SLC24A2: variants seen among roughly 807,000 people sequenced by gnomAD.
SLC24A2 encodes sodium/potassium/calcium exchanger 2.
SLC24A2 carries 36 observed loss-of-function variants against 62.0 expected under a neutral mutation model. The ratio of observed to expected loss-of-function variants is 0.58; its 90% CI spans 0.44 to 0.77. The LOEUF (loss-of-function observed/expected upper bound fraction) is 0.77, where lower values mean the gene tolerates loss of function less well. Ranked by LOEUF, SLC24A2 falls within the 30% of genes least tolerant of loss-of-function variation. SLC24A2 has a pLI of 0.00. For synonymous variants in SLC24A2, 358 were observed against 294.0 expected (o/e 1.22, Z -2.23); for missense variants, 846 against 817.9 (o/e 1.03, Z -0.42).
At chr9:19,848,563 C>A in the SLC24A2 span, among the ~76,000 whole-genome samples, 2 of 152,078 alleles carry the variant, frequency 1.3e-5, no homozygotes, top group African/African-American at 4.8e-5. Context: ...GTATGTAAAG[C>A]ACTTAGGATG....
In SLC24A2 at chr9:19,663,448, C is replaced by G. The variant is rs1175189631; in HGVS notation, c.931-41149G>C. On this transcript the variant is annotated intron_variant, in intron 2 of 10. Coordinates refer to ENST00000341998, the MANE Select transcript of SLC24A2 (RefSeq NM_020344.4). ...GGTCTTTTCTGTTGCAGTCCCCCCA[C>G]CAGCAGAGCCTGCCCCCTTCCGCAA... Among the ~76,000 whole-genome samples, 5 of 152,166 alleles carry G rather than the reference C, an allele frequency of 3.3e-5. No homozygotes were observed. The East Asian group carries it at 9.6e-4, about 29-fold the overall frequency.
intron 2 of SLC24A2, among the ~76,000 whole-genome samples, chr9:19,767,169 G>A (rs537148204): frequency 7.9e-5 from 12 of 152,260 alleles, no homozygotes; most frequent in African/African-American, 2.4e-4. Flanking sequence ...GTTCCAGGTC[G>A]ACTTCAGACT....
chr9:20,012,415 C>A, the SLC24A2 span, among the ~76,000 whole-genome samples: 1 of 152,170 alleles, frequency 6.6e-6, no homozygotes, highest in Non-Finnish European at 1.5e-5. Flanking sequence ...ATTCAGTTAC[C>A]TCCCACTGGG....
the SLC24A2 span, among the ~76,000 whole-genome samples, chr9:20,002,198 C>T: frequency 6.6e-6 from 1 of 152,030 alleles, no homozygotes; most frequent in Non-Finnish European, 1.5e-5. Context: ...AATAGTAATA[C>T]CAATAGCACT....
chr9:19,993,012 A>T, the SLC24A2 span, among the ~76,000 whole-genome samples: 1 of 152,108 alleles, frequency 6.6e-6, no homozygotes, highest in African/African-American at 2.4e-5. Context: ...TTTCATTCTT[A>T]TTCTACTCAA....
the SLC24A2 span, among the ~76,000 whole-genome samples, chr9:20,230,639 T>G: frequency 6.6e-6 from 1 of 152,258 alleles, no homozygotes; most frequent in South Asian, 2.1e-4. Context: ...ATTAGCCCTT[T>G]GTCAGACGAG....
the SLC24A2 span, among the ~76,000 whole-genome samples, chr9:20,103,336 A>T: frequency 1.3e-5 from 2 of 152,076 alleles, no homozygotes; most frequent in Non-Finnish European, 2.9e-5. Flanking sequence ...GACAGCTTTG[A>T]AGAGAGCATG....
At chr9:20,242,339 A>T in the SLC24A2 span, among the ~76,000 whole-genome samples, 1 of 152,212 alleles carries the variant, frequency 6.6e-6, no homozygotes, top group Non-Finnish European at 1.5e-5. Flanking sequence ...AAGAGGAAAG[A>T]CTTCCTACTC....
At chr9:20,179,139 G>A in the SLC24A2 span, among the ~76,000 whole-genome samples, 3 of 152,076 alleles carry the variant, frequency 2.0e-5, no homozygotes, top group Non-Finnish European at 2.9e-5. Flanking sequence ...GAAGGTTGGG[G>A]GCAGCTGGAA....
chr9:19,688,741 G>C (rs999154382), intron 2 of SLC24A2, among the ~76,000 whole-genome samples: 1 of 152,074 alleles, frequency 6.6e-6, no homozygotes, highest in Non-Finnish European at 1.5e-5. Context: ...ACTGATATAA[G>C]TTTCTTATGT....
chr9:19,518,173 C>G (rs1431246559), intron 10 of SLC24A2, among the ~76,000 whole-genome samples: 1 of 152,058 alleles, frequency 6.6e-6, no homozygotes, highest in Non-Finnish European at 1.5e-5. Flanking sequence ...CTCTAATAAT[C>G]TCTAATAACA....
rs771710603 is a variant in SLC24A2 at position 19,528,071 on chromosome 9, A to C, written c.1547T>G (p.Leu516Trp). The C allele has an allele frequency of 3.1e-6, 5 of 1,596,246 alleles. No individual in the cohort carries two copies. The highest frequency in any genetic ancestry group is 4.3e-6 in the Non-Finnish European group (5 of 1,170,564). The change falls in exon 9 of 11, where the codon TTG (leucine) becomes TGG (tryptophan). Residue 516 changes from leucine (L) to tryptophan (W), a missense_variant. Transcript: ENST00000341998. ...SITWIAVFSY[L>W]MVWWAHQVGE... ...TACCTGGTGCGCCCACCAGACCATC[A>C]AGTAAGAGAATACTGCAATCCAGGT...
chr9:19,885,261 G>T, the SLC24A2 span, among the ~76,000 whole-genome samples: 2 of 152,152 alleles, frequency 1.3e-5, no homozygotes, highest in Non-Finnish European at 2.9e-5. Context: ...GTTTAGGTGG[G>T]GAGGCACTTC....
chr9:19,908,769 A>G, the SLC24A2 span, among the ~76,000 whole-genome samples: 1 of 152,248 alleles, frequency 6.6e-6, no homozygotes, highest in Non-Finnish European at 1.5e-5. Context: ...ATGCAAATCA[A>G]GACCACACTG....
the SLC24A2 span, among the ~76,000 whole-genome samples, chr9:20,251,775 CA>C: frequency 6.6e-6 from 1 of 152,288 alleles, no homozygotes; most frequent in East Asian, 1.9e-4. Context: ...GGTGATTCAA[CA>C]GCTCAATGAT....
intron 5 of SLC24A2, among the ~76,000 whole-genome samples, chr9:19,585,608 T>C (rs1836349827): frequency 1.3e-5 from 2 of 152,226 alleles, no homozygotes; most frequent in African/African-American, 2.4e-5. Context: ...GATATGCATG[T>C]ATACTGAATC....
chr9:20,057,865 C>T, the SLC24A2 span, among the ~76,000 whole-genome samples: 1 of 152,112 alleles, frequency 6.6e-6, no homozygotes. Flanking sequence ...TTTACAAGGT[C>T]AAGTTGTAAG....
At chr9:20,233,456 A>G in the SLC24A2 span, among the ~76,000 whole-genome samples, 1 of 152,146 alleles carries the variant, frequency 6.6e-6, no homozygotes, top group Non-Finnish European at 1.5e-5. Context: ...CTTCTTGTTT[A>G]ATTGATCCCT....
At chr9:20,034,045 T>C in the SLC24A2 span, among the ~76,000 whole-genome samples, 1 of 152,074 alleles carries the variant, frequency 6.6e-6, no homozygotes, top group African/African-American at 2.4e-5. Context: ...ACTGTAACAG[T>C]GAGGACAAAG....
Sources: allele counts gnomAD v4.1 joint callset (sites outside exome capture counted in the v4.1 genomes callset), GRCh38; gene constraint gnomAD v4.1.1; transcripts MANE v1.5; gene names NCBI Gene and HGNC (gene_info 2026-07-23, HGNC 2026-07-21).